Variants in PKHD1 observed in about 807,000 individuals in gnomAD.
The protein encoded by PKHD1 is fibrocystin.
In PKHD1, 291 loss-of-function variants were observed where a neutral mutation model predicts 412.0. The ratio of observed to expected loss-of-function variants is 0.71; its 90% CI spans 0.64 to 0.78. The LOEUF (loss-of-function observed/expected upper bound fraction) is 0.78. Among genes scored for constraint, PKHD1 ranks in the 30% least tolerant of loss-of-function variants. The probability of loss-of-function intolerance (pLI) is 0.00; values close to 1 mark genes in which losing one functional copy is unlikely to be tolerated. For synonymous variants in PKHD1, 1,777 were observed against 1,821.5 expected, an observed-to-expected ratio of 0.98 and a Z score of 0.62; for missense variants, 4,825 against 4,950.7, an observed-to-expected ratio of 0.97 and a Z score of 0.76.
intron 52 of PKHD1, among the ~76,000 whole-genome samples, chr6:51,807,269 T>C (rs1459816028): frequency 6.6e-6 from 1 of 150,744 alleles, no homozygotes; most frequent in Non-Finnish European, 1.5e-5. Context: ...TCTACTTCTC[T>C]ACTAAAAAAA....
intron 35 of PKHD1, among the ~76,000 whole-genome samples, chr6:52,005,495 C>G (rs1460099316): frequency 1.3e-5 from 2 of 152,178 alleles, no homozygotes; most frequent in Non-Finnish European, 2.9e-5. Flanking sequence ...GTTCCCCCAC[C>G]AGAAATGCCT....
At chr6:51,747,737 A>T (rs1036921956) in intron 58 of PKHD1, 50 bp downstream of exon 58, 1 of 1,517,680 alleles carries the variant, frequency 6.6e-7, no homozygotes. Flanking sequence ...TAAAAATTTT[A>T]TGCATGGATG....
chr6:52,086,106 A>ACACACACACTTT (rs913681309), intron 1 of PKHD1, among the ~76,000 whole-genome samples: 2 of 146,110 alleles, frequency 1.4e-5, no homozygotes, highest in Non-Finnish European at 3.0e-5. Context: ...ACACACACAA[A>ACACACACACTTT]GTGTGTGTGT....
At chr6:51,899,302 A>C (rs1456283413) in intron 43 of PKHD1, among the ~76,000 whole-genome samples, 1 of 151,792 alleles carries the variant, frequency 6.6e-6, no homozygotes, top group Non-Finnish European at 1.5e-5. Flanking sequence ...GCAGCACATC[A>C]AAAAGCTTAT....
At chr6:51,780,351 G>A (rs1366707854) in intron 53 of PKHD1, among the ~76,000 whole-genome samples, 1 of 151,118 alleles carries the variant, frequency 6.6e-6, no homozygotes, top group Non-Finnish European at 1.5e-5. Flanking sequence ...GCACCACACT[G>A]CACTCCAGCC....
intron 60 of PKHD1, among the ~76,000 whole-genome samples, chr6:51,717,818 G>A (rs1781457606): frequency 1.3e-5 from 2 of 152,156 alleles, no homozygotes; most frequent in South Asian, 2.1e-4. Context: ...AGGCATGAAG[G>A]TATGAAATAG....
intron 46 of PKHD1, among the ~76,000 whole-genome samples, chr6:51,881,443 T>C (rs1777340038): frequency 6.6e-6 from 1 of 152,182 alleles, no homozygotes; most frequent in Non-Finnish European, 1.5e-5. Flanking sequence ...TCTGGATTTG[T>C]TGGAGATTTT....
chr6:51,648,548 C>T (rs1358271980), intron 62 of PKHD1, among the ~76,000 whole-genome samples: 1 of 152,162 alleles, frequency 6.6e-6, no homozygotes, highest in Non-Finnish European at 1.5e-5. Flanking sequence ...CATTTATAAA[C>T]AGGAGAAAGC....
At chr6:51,754,240 T>C (rs1702801) in intron 56 of PKHD1, among the ~76,000 whole-genome samples, 8,240 of 152,232 alleles carry the variant, frequency 0.054, 649 homozygotes, top group African/African-American at 0.17. Flanking sequence ...TAAAAATATT[T>C]GGTACCTTTT....
chr6:51,627,113 G>C lies in PKHD1; in HGVS notation c.11669C>G (p.Thr3890Arg), dbSNP rs1438714689. Reference sequence around the variant, plus strand: ...GGATTCAGGAATCTCTTCAGGTTTTGTTTCTGTATTAATGGAGAAGAAAAA... The same window carrying C: ...GGATTCAGGAATCTCTTCAGGTTTTCTTTCTGTATTAATGGAGAAGAAAAA... The part of the protein sequence containing the change: ...CWLKRSKSRK[T>R]KPEEIPESQT... Residue 3890 changes from threonine (T) to arginine (R), a missense_variant, in exon 66 of 67, where the codon ACA (threonine) becomes AGA (arginine). By Grantham distance (71) the Thr-to-Arg change is moderately conservative. Transcript: ENST00000371117. 1.2e-6 allele frequency: 2 copies of C among 1,611,390 alleles called. No individual in the cohort carries two copies. Among genetic ancestry groups the C allele is most frequent in the African/African-American group, 2.7e-5 (2 of 74,748 alleles).
intron 52 of PKHD1, among the ~76,000 whole-genome samples, chr6:51,814,996 A>T (rs1242582193): frequency 6.6e-6 from 1 of 152,192 alleles, no homozygotes; most frequent in Non-Finnish European, 1.5e-5. Flanking sequence ...CAGGTCTTCC[A>T]GAGAAAATCA....
chr6:51,828,788 G>T (rs1250738066), intron 52 of PKHD1, among the ~76,000 whole-genome samples: 1 of 152,136 alleles, frequency 6.6e-6, no homozygotes, highest in Admixed American at 6.6e-5. Flanking sequence ...AACAAAGGTA[G>T]ATTCAATCCA....
intron 36 of PKHD1, among the ~76,000 whole-genome samples, chr6:51,956,899 A>G (rs1029077488): frequency 1.3e-5 from 2 of 152,086 alleles, no homozygotes; most frequent in African/African-American, 4.8e-5. Flanking sequence ...ATCAGAGGTT[A>G]AATAATAGTA....
chr6:51,807,436 TCA>T (rs2090231336), intron 52 of PKHD1, among the ~76,000 whole-genome samples: 1 of 23,178 alleles, frequency 4.3e-5, no homozygotes, highest in African/African-American at 2.0e-4. Flanking sequence ...AGACTCTGTC[TCA>T]AAAAAAAAAA....
At chr6:51,709,229 T>C (rs1243001853) in intron 60 of PKHD1, among the ~76,000 whole-genome samples, 1 of 152,212 alleles carries the variant, frequency 6.6e-6, no homozygotes, top group Non-Finnish European at 1.5e-5. Context: ...CCAAGTATGT[T>C]GTACCTGGTA....
chr6:51,909,559 G>T, intron 39 of PKHD1, 85 bp from the exon 40 acceptor site: 1 of 1,002,618 alleles, frequency 1.0e-6, no homozygotes, highest in Non-Finnish European at 1.6e-6. Flanking sequence ...GGTACTGTCA[G>T]CACCGAGGAA....
At chr6:51,899,404 A>G (rs1363723814) in intron 43 of PKHD1, among the ~76,000 whole-genome samples, 4 of 152,198 alleles carry the variant, frequency 2.6e-5, no homozygotes, top group Non-Finnish European at 4.4e-5. Context: ...AAACAGAGCC[A>G]AAGACAAAAA....
At chr6:51,662,317 A>C (rs879560156) in intron 60 of PKHD1, among the ~76,000 whole-genome samples, 3 of 151,778 alleles carry the variant, frequency 2.0e-5, no homozygotes, top group Non-Finnish European at 4.4e-5. Context: ...CTAAGGGGGT[A>C]GATCTTAACA....
At chr6:51,760,920 C>G (rs9349594) in intron 55 of PKHD1, among the ~76,000 whole-genome samples, 48,585 of 151,834 alleles carry the variant, frequency 0.32, 9,643 homozygotes, top group East Asian at 0.69. Context: ...ATTACCAAAA[C>G]AGTGAAAGAT....
Sources: gnomAD v4.1 joint callset for allele counts (sites outside exome capture counted in the v4.1 genomes callset) on GRCh38, gnomAD v4.1.1 for gene constraint, MANE v1.5 for transcripts, NCBI Gene and HGNC (gene_info 2026-07-23, HGNC 2026-07-21) for gene names.